AGFG1: variants seen among roughly 807,000 people sequenced by gnomAD.
AGFG1 encodes arf-GAP domain and FG repeat-containing protein 1.
In AGFG1, 10 loss-of-function variants were observed where a neutral mutation model predicts 60.6. The observed-to-expected ratio is 0.16, with a 90% CI of 0.10 to 0.28. AGFG1 has a LOEUF of 0.28. AGFG1 is among the 10% of genes least tolerant of loss of function. AGFG1 has a pLI of 1.00. For missense variants in AGFG1, 537 were observed against 676.5 expected, an observed-to-expected ratio of 0.79 and a Z score of 2.29; for synonymous variants, 247 against 242.9, an observed-to-expected ratio of 1.02 and a Z score of -0.16.
chr2:227,493,587 AAAATGT>A (rs1312750429), intron 2 of AGFG1, among the ~76,000 whole-genome samples: 2 of 152,220 alleles, frequency 1.3e-5, no homozygotes, highest in African/African-American at 4.8e-5. Flanking sequence ...AAGTAGAAGC[AAAATGT>A]AAATGTTATA....
At chr2:227,497,545 A>G (rs1469560417) in intron 2 of AGFG1, among the ~76,000 whole-genome samples, 1 of 152,064 alleles carries the variant, frequency 6.6e-6, no homozygotes, top group Non-Finnish European at 1.5e-5. Flanking sequence ...TGTTTAAAAA[A>G]TAACATTCAC....
At chr2:227,508,012 T>A (rs1015494758) in intron 2 of AGFG1, among the ~76,000 whole-genome samples, 6 of 152,306 alleles carry the variant, frequency 3.9e-5, no homozygotes, top group African/African-American at 1.4e-4. Flanking sequence ...CTTTTTTTTT[T>A]TTTAATTAAC....
intron 1 of AGFG1, among the ~76,000 whole-genome samples, chr2:227,478,662 A>G (rs957003186): frequency 5.9e-5 from 9 of 152,184 alleles, no homozygotes; most frequent in African/African-American, 1.7e-4. Context: ...ATTTTAACAT[A>G]CAACTGTTAA....
At chr2:227,539,436 C>G (rs13019750) in intron 10 of AGFG1, among the ~76,000 whole-genome samples, 1 of 35,894 alleles carries the variant, frequency 2.8e-5, no homozygotes, top group Non-Finnish European at 6.1e-5. Context: ...GAGCAAGACT[C>G]TGTCTCAAAA....
intron 2 of AGFG1, among the ~76,000 whole-genome samples, 196 bp downstream of exon 2, chr2:227,491,836 C>T (rs971644515): frequency 4.6e-5 from 7 of 151,840 alleles, no homozygotes; most frequent in Non-Finnish European, 7.4e-5. Context: ...AACACTTTAC[C>T]GTAAATCTGA....
rs1258657022 is a variant in AGFG1 at position 227,524,656 on chromosome 2, T to TG, written c.541-105dup. 4 of 1,177,832 alleles carry TG rather than the reference T, an allele frequency of 3.4e-6. No individual in the cohort carries two copies. The African/African-American group carries it at 4.6e-5, about 14-fold the overall frequency. The allele number at this position is 1,177,832 out of a possible 1,614,324, so 73.0% of individuals were successfully genotyped here. On this transcript the variant is annotated intron_variant, in intron 4 of 12. Coordinates refer to ENST00000310078, the MANE Select transcript of AGFG1 (RefSeq NM_004504.5). The stretch of plus-strand genomic sequence containing the variant: ...AATGAGAAAGGTTAACTCAGCATAC[T>TG]GTAACTCTTCGTATGTATAAGTGTG...
At chr2:227,499,162 A>T (rs1374800285) in intron 2 of AGFG1, among the ~76,000 whole-genome samples, 1 of 152,048 alleles carries the variant, frequency 6.6e-6, no homozygotes, top group African/African-American at 2.4e-5. Context: ...CAACAGTGCT[A>T]TTTTTGTCCC....
intron 2 of AGFG1, among the ~76,000 whole-genome samples, chr2:227,509,456 T>C (rs1240237344): frequency 6.6e-6 from 1 of 152,198 alleles, no homozygotes; most frequent in Non-Finnish European, 1.5e-5. Context: ...GATTACTGAC[T>C]AATCTTTAGA....
chr2:227,525,474 G>A (rs4365455), intron 5 of AGFG1, among the ~76,000 whole-genome samples: 3,425 of 152,198 alleles, frequency 0.023, 70 homozygotes, highest in Middle Eastern at 0.085. Flanking sequence ...ACGTACATAT[G>A]TACATACATG....
Position 227,524,749 on chromosome 2 carries a change from A to G in AGFG1, c.541-13A>G. 1.2e-6 allele frequency: 2 copies of G among 1,613,580 alleles called. No homozygotes were observed. The highest frequency in any genetic ancestry group is 1.7e-6 in the Non-Finnish European group (2 of 1,179,578). On this transcript the variant is annotated splice_polypyrimidine_tract_variant and intron_variant, in intron 4 of 12. Coordinates refer to ENST00000310078, the MANE Select transcript of AGFG1 (RefSeq NM_004504.5). Reference sequence around the variant, plus strand: ...CGACTGGAATATCTTTATAGTTAATATGTGGTTTGTAGTCCCCAGTTGTAG... The same window carrying G: ...CGACTGGAATATCTTTATAGTTAATGTGTGGTTTGTAGTCCCCAGTTGTAG...
At chr2:227,513,900 A>G (rs1423460864) in intron 2 of AGFG1, among the ~76,000 whole-genome samples, 12 of 152,198 alleles carry the variant, frequency 7.9e-5, no homozygotes, top group Non-Finnish European at 1.8e-4. Context: ...AACACTTAAT[A>G]TGGCACAGCC....
chr2:227,527,144 T>C (rs1426928462), intron 5 of AGFG1, among the ~76,000 whole-genome samples: 1 of 152,100 alleles, frequency 6.6e-6, no homozygotes, highest in Non-Finnish European at 1.5e-5. Context: ...GGCTTTGGAG[T>C]TGGGACAACC....
Position 227,558,253 on chromosome 2 carries a change from A to C in AGFG1, c.*3758A>C, listed in dbSNP as rs975770984. 1.3e-5 allele frequency: 2 copies of C among 152,214 alleles called. No homozygotes were observed. Among genetic ancestry groups the C allele is most frequent in the African/African-American group, 4.8e-5 (2 of 41,464 alleles). The allele number at this position is 152,214 out of a possible 1,614,324, so 9.4% of individuals were successfully genotyped here. A position where few individuals can be genotyped will look rare whatever the true frequency, so the allele number is the denominator to read the frequency against. On this transcript the variant is annotated 3_prime_UTR_variant, in exon 13 of 13. Coordinates refer to ENST00000310078, the MANE Select transcript of AGFG1 (RefSeq NM_004504.5). ...GGGGAACAGATTTGGATTAAATGCT[A>C]TCACATTTATATATGAATGCATTCT... is the stretch of plus-strand genomic sequence containing the variant.
intron 1 of AGFG1, among the ~76,000 whole-genome samples, chr2:227,482,440 G>A (rs1690497667): frequency 6.6e-6 from 1 of 152,146 alleles, no homozygotes; most frequent in Non-Finnish European, 1.5e-5. Context: ...TTGTAGATTT[G>A]ATAACCTACT....
At chr2:227,500,408 G>C (rs549452471) in intron 2 of AGFG1, among the ~76,000 whole-genome samples, 2 of 152,094 alleles carry the variant, frequency 1.3e-5, no homozygotes, top group Non-Finnish European at 2.9e-5. Flanking sequence ...AGGTCTTATG[G>C]CAGGTGAGCA....
At chr2:227,490,534 C>T (rs1319201603) in intron 1 of AGFG1, among the ~76,000 whole-genome samples, 3 of 150,044 alleles carry the variant, frequency 2.0e-5, no homozygotes, top group Admixed American at 6.7e-5. Context: ...GCCGAGACTG[C>T]GCCACTGCAC....
intron 2 of AGFG1, among the ~76,000 whole-genome samples, chr2:227,492,287 A>G (rs537688580): frequency 1.6e-4 from 25 of 152,012 alleles, no homozygotes; most frequent in Admixed American, 3.3e-4. Context: ...TATTTTTAAA[A>G]TTAATAAAAT....
chr2:227,544,773 T>A (rs989721400), intron 10 of AGFG1, among the ~76,000 whole-genome samples: 1 of 152,220 alleles, frequency 6.6e-6, no homozygotes. Context: ...TTTAAGAATG[T>A]TGAATATTGG....
At chr2:227,552,177 T>A in intron 11 of AGFG1, 60 bp downstream of exon 11, 2 of 1,587,212 alleles carry the variant, frequency 1.3e-6, no homozygotes, top group Non-Finnish European at 1.7e-6. Flanking sequence ...TATATCATAA[T>A]GTTGTGTGCT....
Sources: gnomAD v4.1 joint callset for allele counts (sites outside exome capture counted in the v4.1 genomes callset) on GRCh38, gnomAD v4.1.1 for gene constraint, MANE v1.5 for transcripts, NCBI Gene and HGNC (gene_info 2026-07-23, HGNC 2026-07-21) for gene names.